FRMD4A: variants seen among roughly 807,000 people sequenced by gnomAD.
FRMD4A encodes FERM domain containing 4A.
FRMD4A carries 29 observed loss-of-function variants against 129.1 expected under a neutral mutation model. That is an observed-to-expected ratio of 0.22 (90% CI 0.17 to 0.31). FRMD4A has a LOEUF of 0.31. Among genes scored for constraint, FRMD4A ranks in the 10% least tolerant of loss-of-function variants. The pLI is 1.00. For missense variants in FRMD4A, 1,272 were observed against 1,375.8 expected (o/e 0.92, Z 1.19); for synonymous variants, 634 against 571.6 (o/e 1.11, Z -1.56).
chr10:14,312,754 T>A (rs1413707404), intron 2 of FRMD4A, among the ~76,000 whole-genome samples: 1 of 152,128 alleles, frequency 6.6e-6, no homozygotes, highest in Non-Finnish European at 1.5e-5. Context: ...CAGTCCCAGC[T>A]AATCAGGAGG....
chr10:13,945,340 T>C (rs1306889776), intron 2 of FRMD4A, among the ~76,000 whole-genome samples: 1 of 152,042 alleles, frequency 6.6e-6, no homozygotes, highest in Non-Finnish European at 1.5e-5. Context: ...TGTCATGTGA[T>C]TTTTTTTAAG....
At chr10:13,997,763 C>T (rs1371957101) in intron 2 of FRMD4A, among the ~76,000 whole-genome samples, 1 of 151,802 alleles carries the variant, frequency 6.6e-6, no homozygotes, top group Non-Finnish European at 1.5e-5. Context: ...GCTGGGACTA[C>T]ATGTGAGTGC....
intron 12 of FRMD4A, among the ~76,000 whole-genome samples, chr10:13,731,631 A>T (rs1421584304): frequency 6.8e-6 from 1 of 146,886 alleles, no homozygotes; most frequent in Non-Finnish European, 1.5e-5. Context: ...CCTGGGCAAC[A>T]AGAGCAAGAC....
chr10:14,058,717 A>T (rs1349399720), intron 2 of FRMD4A, among the ~76,000 whole-genome samples: 1 of 152,130 alleles, frequency 6.6e-6, no homozygotes, highest in Non-Finnish European at 1.5e-5. Context: ...GTGGTCCTTG[A>T]GGTTACATGA....
At chr10:14,090,988 A>C (rs1230773189) in intron 2 of FRMD4A, among the ~76,000 whole-genome samples, 1 of 151,972 alleles carries the variant, frequency 6.6e-6, no homozygotes, top group Non-Finnish European at 1.5e-5. Context: ...CTAACATTTG[A>C]CTGCCTTGTG....
At chr10:13,849,615 G>A (rs1413308933) in intron 3 of FRMD4A, among the ~76,000 whole-genome samples, 1 of 151,370 alleles carries the variant, frequency 6.6e-6, no homozygotes, top group Non-Finnish European at 1.5e-5. Flanking sequence ...CGAGTAGCTG[G>A]GATACAGGCA....
intron 14 of FRMD4A, 55 bp downstream of exon 14, chr10:13,701,285 T>C: frequency 1.3e-6 from 2 of 1,560,858 alleles, no homozygotes; most frequent in South Asian, 2.3e-5. Context: ...TCCTCATTCC[T>C]AAACTAAGAG....
chr10:13,687,017 G>T (rs1269688998), intron 15 of FRMD4A, among the ~76,000 whole-genome samples: 2 of 152,162 alleles, frequency 1.3e-5, no homozygotes, highest in Non-Finnish European at 2.9e-5. Flanking sequence ...TTGGCCAGGT[G>T]TGGTGGCTCA....
chr10:13,710,246 C>A (rs2087877297), intron 12 of FRMD4A, among the ~76,000 whole-genome samples: 1 of 152,160 alleles, frequency 6.6e-6, no homozygotes, highest in African/African-American at 2.4e-5. Context: ...TCATGGGAAG[C>A]CCCCCTCCCC....
chr10:13,770,646 G>A (rs933713540), intron 6 of FRMD4A, among the ~76,000 whole-genome samples: 4 of 151,908 alleles, frequency 2.6e-5, no homozygotes, highest in Non-Finnish European at 4.4e-5. Flanking sequence ...GTCTCACTAT[G>A]TTTCTCAGGT....
At chr10:14,253,924 T>A (rs1242845021) in intron 2 of FRMD4A, among the ~76,000 whole-genome samples, 4 of 151,756 alleles carry the variant, frequency 2.6e-5, no homozygotes, top group South Asian at 2.1e-4. Context: ...TCTCTCTCTC[T>A]CACAGGTCCC....
intron 2 of FRMD4A, among the ~76,000 whole-genome samples, chr10:14,171,218 C>CT (rs990579443): frequency 2.6e-5 from 4 of 152,176 alleles, no homozygotes; most frequent in South Asian, 2.1e-4. Flanking sequence ...CTCTCTCTCT[C>CT]TTTTTTTCTT....
In FRMD4A at chr10:14,035,446, GA is replaced by G. The variant is rs898686815; in HGVS notation, c.46-176535del. Among the ~76,000 whole-genome samples, 505 of 148,460 alleles carry G rather than the reference GA, an allele frequency of 3.4e-3. 4 individuals are homozygous for G. Among genetic ancestry groups the G allele is most frequent in the African/African-American group, 0.011 (460 of 40,818 alleles). On this transcript the variant is annotated intron_variant, in intron 2 of 24. Transcript: ENST00000357447. ...CAAATAAACAAAAAAAAAAAAAGAAGAAAAAAATGAAACAAGCCAAATATAA... is the reference window on the plus strand; with the variant it reads ...CAAATAAACAAAAAAAAAAAAAGAAGAAAAAATGAAACAAGCCAAATATAA...
chr10:14,269,274 G>T (rs10906640), intron 2 of FRMD4A, among the ~76,000 whole-genome samples: 13,801 of 152,220 alleles, frequency 0.091, 803 homozygotes, highest in Non-Finnish European at 0.13. Flanking sequence ...TTTATGAGTA[G>T]CCTGAAAATC....
At chr10:13,824,013 C>G (rs2093665144) in intron 3 of FRMD4A, among the ~76,000 whole-genome samples, 1 of 152,098 alleles carries the variant, frequency 6.6e-6, no homozygotes, top group African/African-American at 2.4e-5. Context: ...AAAGGGAAAG[C>G]TTGCCTTTTA....
At chr10:14,165,049 A>T (rs1270311372) in intron 2 of FRMD4A, among the ~76,000 whole-genome samples, 1 of 152,264 alleles carries the variant, frequency 6.6e-6, no homozygotes, top group Non-Finnish European at 1.5e-5. Context: ...ACAGCAAAAG[A>T]AACTATCAAC....
chr10:14,166,553 T>C (rs1841187448), intron 2 of FRMD4A, among the ~76,000 whole-genome samples: 2 of 152,228 alleles, frequency 1.3e-5, no homozygotes, highest in South Asian at 2.1e-4. Flanking sequence ...AAGTTCCAAA[T>C]GGAAGTCAGG....
At chr10:13,914,510 CTTTTAT>C (rs1470631865) in intron 2 of FRMD4A, among the ~76,000 whole-genome samples, 1 of 152,082 alleles carries the variant, frequency 6.6e-6, no homozygotes, top group East Asian at 1.9e-4. Flanking sequence ...AACCACAGGC[CTTTTAT>C]TTTTATGTAC....
At chr10:14,069,075 G>A (rs935128793) in intron 2 of FRMD4A, among the ~76,000 whole-genome samples, 1 of 152,116 alleles carries the variant, frequency 6.6e-6, no homozygotes, top group Non-Finnish European at 1.5e-5. Context: ...CCCCAGGGTA[G>A]GAAGAGGGTA....
Sources: gnomAD v4.1 joint callset for allele counts (sites outside exome capture counted in the v4.1 genomes callset) on GRCh38, gnomAD v4.1.1 for gene constraint, MANE v1.5 for transcripts, NCBI Gene and HGNC (gene_info 2026-07-23, HGNC 2026-07-21) for gene names.